The following WDPCP variants were observed in gnomAD, a reference collection of about 807,000 sequenced individuals.
WDPCP encodes WD repeat-containing and planar cell polarity effector protein fritz homolog.
A neutral mutation model predicts 93.1 loss-of-function variants in WDPCP; 71 were observed. The observed-to-expected ratio is 0.76, with a 90% CI of 0.63 to 0.93. The LOEUF is 0.93. Among genes scored for constraint, WDPCP ranks in the 40% least tolerant of loss-of-function variants. WDPCP has a pLI of 0.00. For missense variants in WDPCP, 844 were observed against 887.4 expected, an observed-to-expected ratio of 0.95 and a Z score of 0.62; for synonymous variants, 315 against 315.0, an observed-to-expected ratio of 1.00 and a Z score of 0.00.
intron 1 of WDPCP, among the ~76,000 whole-genome samples, chr2:63,551,451 G>T (rs1265537746): frequency 6.6e-6 from 1 of 152,032 alleles, no homozygotes; most frequent in Non-Finnish European, 1.5e-5. Flanking sequence ...TAAGAGTCTG[G>T]AACCTCCCCC....
At chr2:63,532,942 A>G (rs929270624) in intron 1 of WDPCP, among the ~76,000 whole-genome samples, 1 of 152,206 alleles carries the variant, frequency 6.6e-6, no homozygotes, top group Non-Finnish European at 1.5e-5. Flanking sequence ...AAGACCCACC[A>G]GTGTGCTGTA....
At position 63,350,343 on chromosome 2, in the gene WDPCP, G is replaced by A. The variant is rs187242770; in HGVS notation, c.1748+28043C>T. Among the ~76,000 whole-genome samples, 5 of 152,164 alleles carry A rather than the reference G, an allele frequency of 3.3e-5. No homozygotes were observed. The East Asian group carries it at 9.7e-4, about 29-fold the overall frequency. ...ATTAGGAGAAATACCTAATGTAAAT[G>A]ACTAGTTGATGGGTGCAGCAAACCA... On this transcript the variant is annotated intron_variant, in intron 12 of 17. Transcript: ENST00000272321.
intron 11 of WDPCP, among the ~76,000 whole-genome samples, chr2:63,381,623 T>C (rs1692314598): frequency 6.6e-6 from 1 of 152,190 alleles, no homozygotes; most frequent in Non-Finnish European, 1.5e-5. Context: ...AATCTGAGCA[T>C]GTTCTGTCTG....
intron 14 of WDPCP, among the ~76,000 whole-genome samples, chr2:63,219,789 A>G (rs1326923605): frequency 6.6e-6 from 1 of 152,178 alleles, no homozygotes; most frequent in Admixed American, 6.5e-5. Context: ...TCACGAGGTC[A>G]GGAGTTCGAG....
intron 13 of WDPCP, among the ~76,000 whole-genome samples, chr2:63,309,619 A>G (rs181859414): frequency 1.3e-5 from 2 of 152,318 alleles, no homozygotes; most frequent in East Asian, 1.9e-4. Flanking sequence ...AACACAATAA[A>G]TCAACTAGTT....
At chr2:63,393,389 G>A (rs1034588190) in intron 10 of WDPCP, among the ~76,000 whole-genome samples, 1 of 151,990 alleles carries the variant, frequency 6.6e-6, no homozygotes, top group African/African-American at 2.4e-5. Flanking sequence ...CTGTCAGCGG[G>A]TGGGGGGCTA....
At chr2:63,481,669 C>T (rs1342411698) in intron 6 of WDPCP, among the ~76,000 whole-genome samples, 1 of 151,774 alleles carries the variant, frequency 6.6e-6, no homozygotes, top group African/African-American at 2.4e-5. Context: ...TATATTCTCA[C>T]TTATAAGTGG....
At chr2:63,619,666 G>T (rs1024215159) in intron 3 of WDPCP, among the ~76,000 whole-genome samples, 1 of 152,146 alleles carries the variant, frequency 6.6e-6, no homozygotes, top group Non-Finnish European at 1.5e-5. Context: ...AATTATTATC[G>T]ATTTCAAATA....
At chr2:63,527,328 G>C (rs1031046317) in intron 1 of WDPCP, among the ~76,000 whole-genome samples, 1 of 149,558 alleles carries the variant, frequency 6.7e-6, no homozygotes, top group Non-Finnish European at 1.5e-5. Flanking sequence ...CCATTATCTC[G>C]TCATTTACAT....
At chr2:63,293,726 A>G (rs1684620840) in intron 13 of WDPCP, among the ~76,000 whole-genome samples, 1 of 152,172 alleles carries the variant, frequency 6.6e-6, no homozygotes, top group Middle Eastern at 3.2e-3. Flanking sequence ...TGGAAAATAT[A>G]ATGACAAGAT....
intron 12 of WDPCP, among the ~76,000 whole-genome samples, chr2:63,353,841 C>T (rs960265618): frequency 5.3e-5 from 8 of 152,114 alleles, no homozygotes; most frequent in African/African-American, 1.2e-4. Flanking sequence ...TGACAAGGGA[C>T]GGGAGCAGGC....
At chr2:63,347,959 A>G (rs1476669346) in intron 12 of WDPCP, among the ~76,000 whole-genome samples, 5 of 152,140 alleles carry the variant, frequency 3.3e-5, no homozygotes, top group Admixed American at 3.3e-4. Context: ...GGTATTTTCA[A>G]AATCCCCTAA....
At chr2:63,404,797 A>G in intron 9 of WDPCP, 140 bp from the exon 10 acceptor site, 1 of 954,172 alleles carries the variant, frequency 1.0e-6, no homozygotes, top group Non-Finnish European at 1.6e-6. Context: ...AAGTATATAA[A>G]GTACATATAG....
At chr2:63,606,141 G>T (rs772425538) in intron 3 of WDPCP, 19 of 1,018,254 alleles carry the variant, frequency 1.9e-5, no homozygotes, top group Non-Finnish European at 2.9e-5. Context: ...CAACACTTTG[G>T]AAGGGCAAGG....
At chr2:63,588,058 C>G in intron 1 of WDPCP, 139 bp downstream of exon 1, 1 of 1,072,242 alleles carries the variant, frequency 9.3e-7, no homozygotes, top group Non-Finnish European at 1.4e-6. Flanking sequence ...TCCCACAGCC[C>G]TCATACTCCG....
the WDPCP span, among the ~76,000 whole-genome samples, chr2:63,832,970 A>G: frequency 5.3e-5 from 8 of 152,200 alleles, no homozygotes; most frequent in Non-Finnish European, 1.0e-4. Context: ...ATAATAACTC[A>G]GGCCGGGCAC....
Position 63,613,502 on chromosome 2 carries a change from A to T in WDPCP, n.488+37157T>A, listed in dbSNP as rs141149540. On this transcript the variant is annotated intron_variant and non_coding_transcript_variant, in intron 3 of 4. Coordinates refer to the WDPCP transcript ENST00000467687. ...GGGGTGGAGAATGTAATTCCCAGCC[A>T]TTGCCTGCTCTCTATGCTGCCAGCA... is the stretch of plus-strand genomic sequence containing the variant. Among the ~76,000 whole-genome samples the T allele has an allele frequency of 1.9e-3, 295 of 152,342 alleles. 2 individuals are homozygous for T. Among genetic ancestry groups the T allele is most frequent in the African/African-American group, 6.5e-3 (271 of 41,584 alleles).
intron 12 of WDPCP, among the ~76,000 whole-genome samples, chr2:63,348,238 A>G (rs1689332189): frequency 6.6e-6 from 1 of 152,192 alleles, no homozygotes; most frequent in Admixed American, 6.5e-5. Context: ...CCCATCCAAT[A>G]AATTAGGAAG....
rs560862989 is a variant in WDPCP, at chr2:63,367,911, A to G, written c.1748+10475T>C. Reference sequence around the variant, plus strand: ...TCAAAGTGTTCATTAAAGATTTCACAAAAGTGATGTATTTTTTTCAACTAA... The same window carrying G: ...TCAAAGTGTTCATTAAAGATTTCACGAAAGTGATGTATTTTTTTCAACTAA... On this transcript the variant is annotated intron_variant, in intron 12 of 17. Coordinates refer to ENST00000272321, the MANE Select transcript of WDPCP (RefSeq NM_015910.7). Among the ~76,000 whole-genome samples, 12 of 152,328 alleles carry G rather than the reference A, an allele frequency of 7.9e-5. No individual in the cohort carries two copies. In the East Asian group the frequency reaches 2.3e-3, roughly 29 times the overall value.
Sources: gnomAD v4.1 joint callset for allele counts (sites outside exome capture counted in the v4.1 genomes callset) on GRCh38, gnomAD v4.1.1 for gene constraint, MANE v1.5 for transcripts, NCBI Gene and HGNC (gene_info 2026-07-23, HGNC 2026-07-21) for gene names.